The following RAD50 variants were observed in gnomAD, a reference collection of about 807,000 sequenced individuals.
The protein encoded by RAD50 is DNA repair protein RAD50.
A neutral mutation model predicts 168.8 loss-of-function variants in RAD50; 132 were observed. The observed-to-expected ratio is 0.78, with a 90% CI of 0.68 to 0.90. The LOEUF (loss-of-function observed/expected upper bound fraction) is 0.90. RAD50 is among the 40% of genes least tolerant of loss of function. RAD50 has a pLI of 0.00. For synonymous variants in RAD50, 525 were observed against 497.4 expected, an observed-to-expected ratio of 1.06 and a Z score of -0.74; for missense variants, 1,347 against 1,534.4, an observed-to-expected ratio of 0.88 and a Z score of 2.04.
rs377388354 is a variant in RAD50 at position 132,559,284 on chromosome 5, A to T, written c.130A>T (p.Thr44Ser). 9.4e-6 allele frequency: 15 copies of T among 1,600,622 alleles called. No homozygotes were observed. The highest frequency in any genetic ancestry group is 1.8e-4 in the Middle Eastern group (1 of 5,584). Reference sequence around the variant, plus strand: ...ATAATGTAATTTTCTATTTCTTTAGACCATCATTGAATGTCTAAAATATAT... The same window carrying T: ...ATAATGTAATTTTCTATTTCTTTAGTCCATCATTGAATGTCTAAAATATAT... ...LVGPNGAGKT[T>S]IIECLKYICT... Residue 44 changes from threonine to serine, a missense_variant and splice_region_variant, in exon 2 of 25, where the codon ACC becomes TCC. Physicochemically the swap from Thr to Ser is moderately conservative, Grantham distance 58. Coordinates refer to ENST00000378823, the MANE Select transcript of RAD50 (RefSeq NM_005732.4).
intron 3 of RAD50, among the ~76,000 whole-genome samples, chr5:132,577,733 T>C (rs78484432): frequency 0.024 from 3,649 of 152,066 alleles, 109 homozygotes; most frequent in African/African-American, 0.076. Flanking sequence ...ACTCACAGAT[T>C]TATGTCATAT....
At chr5:132,604,681 C>G (rs577953837) in intron 15 of RAD50, 125 bp from the exon 16 acceptor site, 141 of 786,052 alleles carry the variant, frequency 1.8e-4, no homozygotes, top group South Asian at 4.9e-4. Context: ...ATTTTTGTTG[C>G]AGTGGGTGGG....
At chr5:132,589,005 T>A in intron 8 of RAD50, 125 bp downstream of exon 8, 1 of 1,043,202 alleles carries the variant, frequency 9.6e-7, no homozygotes, top group Non-Finnish European at 1.4e-6. Context: ...TAAAATCTGC[T>A]ACAAGGCAGA....
chr5:132,641,494 T>C (rs1294597285), intron 24 of RAD50, among the ~76,000 whole-genome samples: 1 of 152,198 alleles, frequency 6.6e-6, no homozygotes, highest in Admixed American at 6.5e-5. Flanking sequence ...GCCACCTTTC[T>C]GCAGCCATCA....
Position 132,642,546 on chromosome 5 carries a change from A to G in RAD50, c.*182A>G. The G allele has an allele frequency of 1.5e-6, 1 of 656,644 alleles. No individual in the cohort carries two copies. Among genetic ancestry groups the G allele is most frequent in the Non-Finnish European group, 2.6e-6 (1 of 391,946 alleles). The allele number at this position is 656,644 out of a possible 1,614,324, so 40.7% of individuals were successfully genotyped here. On this transcript the variant is annotated 3_prime_UTR_variant, in exon 25 of 25. Coordinates refer to ENST00000378823, the MANE Select transcript of RAD50 (RefSeq NM_005732.4). ...AAACTTGTTTCACTGAAAATTGGACAGATTGCCTGTTTCTGATTTGCTGCT... is the reference window on the plus strand; with the variant it reads ...AAACTTGTTTCACTGAAAATTGGACGGATTGCCTGTTTCTGATTTGCTGCT...
chr5:132,613,874 G>A (rs997576305), intron 19 of RAD50, among the ~76,000 whole-genome samples: 1 of 152,120 alleles, frequency 6.6e-6, no homozygotes, highest in Non-Finnish European at 1.5e-5. Context: ...TGGGATTACA[G>A]GTATGAGCCA....
chr5:132,567,905 G>A (rs1473622469), intron 2 of RAD50, among the ~76,000 whole-genome samples: 1 of 152,134 alleles, frequency 6.6e-6, no homozygotes, highest in Admixed American at 6.5e-5. Context: ...CTACTCAGTC[G>A]AAGCTCTCAA....
rs143575412 is a variant in RAD50, at chr5:132,560,051, TACAC to T, written c.213+708_213+711del. 1.4e-3 allele frequency among the ~76,000 whole-genome samples: 203 copies of T among 147,678 alleles called. 1 individual carries two copies. The highest frequency in any genetic ancestry group is 8.1e-3 in the South Asian group (38 of 4,682). ...TGCACATATAGAAGTGAAACAACAA[TACAC>T]ACACACACACACACACACACACATA... On this transcript the variant is annotated intron_variant, in intron 2 of 24. Coordinates refer to ENST00000378823, the MANE Select transcript of RAD50 (RefSeq NM_005732.4).
intron 5 of RAD50, among the ~76,000 whole-genome samples, chr5:132,586,545 AGGTT>A (rs1283287981): frequency 6.6e-6 from 1 of 152,212 alleles, no homozygotes; most frequent in Admixed American, 6.5e-5. Context: ...TTCTGTTTTT[AGGTT>A]CATTTGTATA....
chr5:132,589,260 A>G (rs776083042), intron 8 of RAD50, among the ~76,000 whole-genome samples: 3 of 152,344 alleles, frequency 2.0e-5, no homozygotes, highest in Non-Finnish European at 4.4e-5. Flanking sequence ...TAAAATTATA[A>G]TACTGTATTT....
chr5:132,588,807 G>C lies in RAD50; in HGVS notation c.1172G>C (p.Arg391Thr). Residue 391 changes from arginine (R) to threonine (T), a missense_variant, in exon 8 of 25, where the codon AGA (arginine) becomes ACA (threonine). By Grantham distance (71) the Arg-to-Thr change is moderately conservative (BLOSUM62 -1). Transcript: ENST00000378823. ...DGFERGPFSE[R>T]QIKNFHKLVR... Reference sequence around the variant, plus strand: ...TTTGAGCGTGGACCATTCAGTGAAAGACAGATTAAAAATTTTCACAAACTT... The same window carrying C: ...TTTGAGCGTGGACCATTCAGTGAAACACAGATTAAAAATTTTCACAAACTT... The C allele has an allele frequency of 1.2e-6, 2 of 1,614,044 alleles. No homozygotes were observed. The highest frequency in any genetic ancestry group is 1.7e-6 in the Non-Finnish European group (2 of 1,179,964).
intron 13 of RAD50, among the ~76,000 whole-genome samples, chr5:132,601,999 G>A (rs1363367185): frequency 1.3e-5 from 2 of 152,134 alleles, no homozygotes; most frequent in African/African-American, 4.8e-5. Flanking sequence ...GGCTAGGGGA[G>A]GGATAGCATT....
intron 19 of RAD50, among the ~76,000 whole-genome samples, chr5:132,609,781 C>T (rs1751053281): frequency 6.6e-6 from 1 of 152,050 alleles, no homozygotes; most frequent in African/African-American, 2.4e-5. Context: ...GACTCTGTCT[C>T]TAAAAAGAAA....
At chr5:132,611,983 C>T (rs1751096646) in intron 19 of RAD50, among the ~76,000 whole-genome samples, 1 of 152,118 alleles carries the variant, frequency 6.6e-6, no homozygotes, top group Admixed American at 6.5e-5. Flanking sequence ...GCTAGGGGCA[C>T]CTGTAAATCG....
In RAD50 at chr5:132,604,016, A is replaced by G; in HGVS notation, c.2494A>G (p.Lys832Glu). Reference sequence around the variant, plus strand: ...AACTGTCCAACAAGTCAACCAGGAGAAACAAGAGAAACAGCACAAGTTAGA... The same window carrying G: ...AACTGTCCAACAAGTCAACCAGGAGGAACAAGAGAAACAGCACAAGTTAGA... The part of the protein sequence containing the change: ...DRTVQQVNQE[K>E]QEKQHKLDTV... Residue 832 changes from lysine (K) to glutamate (E), a missense_variant, in exon 15 of 25, where the codon AAA becomes GAA. Lys to Glu is a moderately conservative substitution (Grantham distance 56). Coordinates refer to ENST00000378823, the MANE Select transcript of RAD50 (RefSeq NM_005732.4). 6.2e-7 allele frequency: 1 copy of G among 1,613,762 alleles called. No homozygotes were observed. The highest frequency in any genetic ancestry group is 8.5e-7 in the Non-Finnish European group (1 of 1,179,748).
rs777148895 is a variant in RAD50 at position 132,638,088 on chromosome 5, A to G, written c.3483A>G (p.Glu1161=). Residue 1161 remains glutamate, a synonymous_variant, in exon 23 of 25, where the codon GAA becomes GAG. Transcript: ENST00000378823. ...TTCTTCTTCCTGTGTCAGATATTGA[A>G]TACATAGAAATACGGTCTGATGCCG... ...WRSTYRGQDI[E]YIEIRSDADE... is the part of the protein sequence containing the mutation. The G allele has an allele frequency of 6.2e-7, 1 of 1,614,084 alleles. No homozygotes were observed. The highest frequency in any genetic ancestry group is 1.1e-5 in the South Asian group (1 of 91,088).
At chr5:132,612,520 A>T (rs1472346271) in intron 19 of RAD50, among the ~76,000 whole-genome samples, 2 of 152,214 alleles carry the variant, frequency 1.3e-5, no homozygotes, top group African/African-American at 4.8e-5. Context: ...CAGTTTTTAA[A>T]AAATGACTTA....
At chr5:132,588,962 C>A in intron 8 of RAD50, 82 bp downstream of exon 8, 2 of 1,416,308 alleles carry the variant, frequency 1.4e-6, no homozygotes, top group East Asian at 5.0e-5. Context: ...TGGTTGGACT[C>A]CATTTTGGCA....
intron 5 of RAD50, among the ~76,000 whole-genome samples, chr5:132,584,605 A>G (rs930669838): frequency 2.0e-5 from 3 of 152,194 alleles, no homozygotes; most frequent in African/African-American, 7.2e-5. Flanking sequence ...GTATATACCC[A>G]AAGGATTATA....
Sources: gnomAD v4.1 joint callset for allele counts (sites outside exome capture counted in the v4.1 genomes callset) on GRCh38, gnomAD v4.1.1 for gene constraint, MANE v1.5 for transcripts, NCBI Gene and HGNC (gene_info 2026-07-23, HGNC 2026-07-21) for gene names.